The following TMEM132C variants were observed in gnomAD, a reference collection of about 807,000 sequenced individuals.
TMEM132C encodes the protein transmembrane protein 132C.
Under a neutral mutation model 61.4 loss-of-function variants are expected in TMEM132C, and 29 were observed. The ratio of observed to expected loss-of-function variants is 0.47; its 90% CI spans 0.35 to 0.64. TMEM132C has a LOEUF of 0.64. Ranked by LOEUF, TMEM132C falls within the 30% of genes least tolerant of loss-of-function variation. The pLI is 0.00. For synonymous variants in TMEM132C, 656 were observed against 633.1 expected, an observed-to-expected ratio of 1.04 and a Z score of -0.54; for missense variants, 1,408 against 1,476.9, an observed-to-expected ratio of 0.95 and a Z score of 0.76.
chr12:128,549,686 G>C (rs1874092062), intron 3 of TMEM132C, among the ~76,000 whole-genome samples: 1 of 152,132 alleles, frequency 6.6e-6, no homozygotes, highest in Admixed American at 6.5e-5. Context: ...CTCAGCATAG[G>C]ATGAACAGGG....
intron 3 of TMEM132C, among the ~76,000 whole-genome samples, chr12:128,596,634 A>G (rs1875962986): frequency 7.0e-6 from 1 of 143,650 alleles, no homozygotes; most frequent in Admixed American, 7.0e-5. Flanking sequence ...TCTCCATCAC[A>G]CTGGGCTGCC....
At position 128,563,638 on chromosome 12, in the gene TMEM132C, A is replaced by G. The variant is rs564569466; in HGVS notation, c.1121+19535A>G. 3.3e-5 allele frequency among the ~76,000 whole-genome samples: 5 copies of G among 152,274 alleles called. No individual in the cohort carries two copies. The South Asian group carries it at 1.0e-3, about 32-fold the overall frequency. ...GCAAGTCTGGGTCTGATGTGATTGAATTTGGGCAGTGTACATTCCCGGAAG... is the reference window on the plus strand; with the variant it reads ...GCAAGTCTGGGTCTGATGTGATTGAGTTTGGGCAGTGTACATTCCCGGAAG... On this transcript the variant is annotated intron_variant, in intron 3 of 8. Coordinates refer to ENST00000435159, the MANE Select transcript of TMEM132C (RefSeq NM_001136103.3).
chr12:128,278,582 T>A lies in TMEM132C; in HGVS notation c.85+11095T>A, dbSNP rs7957922. Reference sequence around the variant, plus strand: ...TTTGACTGTGTGGTTGCCTGTTAGTTCTGGGTGGGAAGGGGTCCCCTCTAC... The same window carrying A: ...TTTGACTGTGTGGTTGCCTGTTAGTACTGGGTGGGAAGGGGTCCCCTCTAC... On this transcript the variant is annotated intron_variant, in intron 1 of 8. Coordinates refer to ENST00000435159, the MANE Select transcript of TMEM132C (RefSeq NM_001136103.3). The surrounding 1 kb of genome is among the most constrained non-coding windows in gnomAD (Gnocchi z 4.2). Among the ~76,000 whole-genome samples, 2,561 of 152,200 alleles carry A rather than the reference T, an allele frequency of 0.017. 66 individuals are homozygous for A. The highest frequency in any genetic ancestry group is 0.052 in the East Asian group (270 of 5,154).
intron 1 of TMEM132C, among the ~76,000 whole-genome samples, chr12:128,403,195 G>C (rs1205272672): frequency 6.6e-6 from 1 of 152,252 alleles, no homozygotes. Flanking sequence ...GAGACATTCT[G>C]TGTCTGGGGA....
At chr12:128,528,933 G>A (rs945268075) in intron 2 of TMEM132C, among the ~76,000 whole-genome samples, 1 of 152,092 alleles carries the variant, frequency 6.6e-6, no homozygotes, top group Non-Finnish European at 1.5e-5. Context: ...GTCAACTGCG[G>A]GACTCAGCGG....
At chr12:128,502,134 T>A (rs1290206952) in intron 2 of TMEM132C, among the ~76,000 whole-genome samples, 2 of 152,248 alleles carry the variant, frequency 1.3e-5, no homozygotes, top group Non-Finnish European at 2.9e-5. Context: ...GGGTTGGCAC[T>A]GCCTGGATGA....
chr12:128,307,824 C>A (rs1566050958), intron 1 of TMEM132C, among the ~76,000 whole-genome samples: 1 of 152,148 alleles, frequency 6.6e-6, no homozygotes, highest in South Asian at 2.1e-4. Context: ...GGCAATGGGT[C>A]CCCCACTCCC....
chr12:128,317,071 G>A (rs1412076951), intron 1 of TMEM132C, among the ~76,000 whole-genome samples: 1 of 152,134 alleles, frequency 6.6e-6, no homozygotes, highest in African/African-American at 2.4e-5. Context: ...ATCTGTTTCA[G>A]GCATGTGTTT....
At chr12:128,651,153 G>T (rs1263796993) in intron 4 of TMEM132C, among the ~76,000 whole-genome samples, 2 of 152,180 alleles carry the variant, frequency 1.3e-5, no homozygotes, top group Admixed American at 6.5e-5. Context: ...ACAGTTTTTT[G>T]GGGTAACAAC....
At chr12:128,386,654 A>G (rs1367044932) in intron 1 of TMEM132C, among the ~76,000 whole-genome samples, 1 of 152,226 alleles carries the variant, frequency 6.6e-6, no homozygotes, top group Non-Finnish European at 1.5e-5. Flanking sequence ...GACAGGCGTT[A>G]AGTCCTCCCA....
intron 2 of TMEM132C, among the ~76,000 whole-genome samples, chr12:128,513,267 G>A (rs1002475902): frequency 1.3e-5 from 2 of 152,084 alleles, no homozygotes; most frequent in Non-Finnish European, 2.9e-5. Flanking sequence ...CCATGGCTGC[G>A]GGGTGTCAGT....
At chr12:128,697,142 A>T in intron 7 of TMEM132C, 82 bp from the exon 8 acceptor site, 1 of 1,288,450 alleles carries the variant, frequency 7.8e-7, no homozygotes, top group East Asian at 2.6e-5. Context: ...GCCTGTTGGG[A>T]TGGAAGAAAT....
chr12:128,423,703 C>T (rs1003328946), intron 2 of TMEM132C, among the ~76,000 whole-genome samples: 5 of 151,162 alleles, frequency 3.3e-5, no homozygotes, highest in Non-Finnish European at 5.9e-5. Context: ...GACCCTGTCT[C>T]TTAAAAAAAA....
At chr12:128,680,407 A>G (rs1297108394) in intron 5 of TMEM132C, among the ~76,000 whole-genome samples, 4 of 152,224 alleles carry the variant, frequency 2.6e-5, no homozygotes, top group Admixed American at 6.5e-5. Context: ...AAGTATGGGA[A>G]TATGCTGTCA....
At chr12:128,324,819 C>T (rs1050689696) in intron 1 of TMEM132C, among the ~76,000 whole-genome samples, 15 of 152,164 alleles carry the variant, frequency 9.9e-5, no homozygotes, top group South Asian at 4.2e-4. Context: ...CAGAGTGAGA[C>T]CCTACCTCAA....
intron 4 of TMEM132C, among the ~76,000 whole-genome samples, chr12:128,627,036 C>T (rs931406266): frequency 1.3e-4 from 20 of 152,132 alleles, no homozygotes; most frequent in Admixed American, 1.0e-3. Context: ...TCTCCTCACC[C>T]GGCATCTTTG....
intron 1 of TMEM132C, among the ~76,000 whole-genome samples, chr12:128,304,754 G>C (rs1871708958): frequency 6.6e-6 from 1 of 152,228 alleles, no homozygotes; most frequent in Admixed American, 6.5e-5. Flanking sequence ...CCCTGCCTCA[G>C]TGGTCATTTA....
intron 2 of TMEM132C, among the ~76,000 whole-genome samples, chr12:128,468,243 G>T (rs987761790): frequency 1.3e-5 from 2 of 152,296 alleles, no homozygotes; most frequent in South Asian, 2.1e-4. Context: ...CTAGTGAGGG[G>T]TGTGCAGGGA....
At chr12:128,378,430 T>TA (rs1874285808) in intron 1 of TMEM132C, among the ~76,000 whole-genome samples, 1 of 150,772 alleles carries the variant, frequency 6.6e-6, no homozygotes, top group African/African-American at 2.5e-5. Context: ...GCAGATTTTT[T>TA]TAAAAAAATT....
Sources: allele counts gnomAD v4.1 joint callset (sites outside exome capture counted in the v4.1 genomes callset), GRCh38; gene constraint gnomAD v4.1.1; non-coding constraint Gnocchi (gnomAD v3.1); transcripts MANE v1.5; gene names NCBI Gene and HGNC (gene_info 2026-07-23, HGNC 2026-07-21).